PIEZO2: variants seen among roughly 807,000 people sequenced by gnomAD.
The protein encoded by PIEZO2 is piezo-type mechanosensitive ion channel component 2.
PIEZO2 carries 172 observed loss-of-function variants against 337.3 expected under a neutral mutation model. The observed-to-expected ratio is 0.51, with a 90% confidence interval of 0.45 to 0.58. The LOEUF (loss-of-function observed/expected upper bound fraction) is 0.58, where lower values mean the gene tolerates loss of function less well. PIEZO2 is among the 20% of genes least tolerant of loss of function. The pLI is 0.00. For missense variants in PIEZO2, 3,028 were observed against 3,391.3 expected, an observed-to-expected ratio of 0.89 and a Z score of 2.66; for synonymous variants, 1,251 against 1,228.5, an observed-to-expected ratio of 1.02 and a Z score of -0.38.
intron 3 of PIEZO2, among the ~76,000 whole-genome samples, chr18:10,935,117 T>C (rs1224248410): frequency 1.3e-5 from 2 of 152,188 alleles, no homozygotes; most frequent in African/African-American, 4.8e-5. Flanking sequence ...TTAAACTATA[T>C]AGATAGCTGT....
chr18:11,015,784 C>A (rs1411922319), intron 2 of PIEZO2, among the ~76,000 whole-genome samples: 1 of 152,164 alleles, frequency 6.6e-6, no homozygotes, highest in Admixed American at 6.5e-5. Flanking sequence ...CTATGGTAGA[C>A]TCGAATTTCT....
chr18:10,969,158 T>C lies in PIEZO2; in HGVS notation c.286+10377A>G, dbSNP rs1045863904. Among the ~76,000 whole-genome samples the C allele has an allele frequency of 2.0e-5, 3 of 152,212 alleles. No homozygotes were observed. The highest frequency in any genetic ancestry group is 7.2e-5 in the African/African-American group (3 of 41,450). ...TCCATATTCCATAAATTTGGAAACA[T>C]ACAGTTATAGCTTTACATTGTTCGT... On this transcript the variant is annotated intron_variant, in intron 3 of 55. Transcript: ENST00000674853. The surrounding 1 kb of genome is among the most constrained non-coding windows in gnomAD (Gnocchi z 4.5).
chr18:10,808,629 G>T (rs186701104), intron 7 of PIEZO2, among the ~76,000 whole-genome samples: 1 of 152,054 alleles, frequency 6.6e-6, no homozygotes, highest in Non-Finnish European at 1.5e-5. Context: ...GTCATAACTT[G>T]TTCTTATTAT....
intron 20 of PIEZO2, among the ~76,000 whole-genome samples, chr18:10,772,482 A>G (rs1250074004): frequency 2.0e-5 from 3 of 152,192 alleles, no homozygotes; most frequent in Non-Finnish European, 4.4e-5. Context: ...GGAATTCACA[A>G]TGCTCAGATA....
intron 36 of PIEZO2, among the ~76,000 whole-genome samples, chr18:10,730,557 T>TA (rs2036722613): frequency 6.6e-6 from 1 of 152,108 alleles, no homozygotes; most frequent in Admixed American, 6.5e-5. Flanking sequence ...TTGATTTTTT[T>TA]ATTATAGTTT....
chr18:10,874,539 A>G (rs115601154), intron 4 of PIEZO2, among the ~76,000 whole-genome samples: 2,002 of 152,304 alleles, frequency 0.013, 47 homozygotes, highest in African/African-American at 0.045. Flanking sequence ...ACTATTCACA[A>G]TAGTCAAGAT....
At chr18:10,972,566 C>T (rs1414399383) in intron 3 of PIEZO2, among the ~76,000 whole-genome samples, 1 of 152,160 alleles carries the variant, frequency 6.6e-6, no homozygotes, top group Non-Finnish European at 1.5e-5. Flanking sequence ...TGCTGCCTTC[C>T]ATCCAGTGCC....
chr18:10,970,470 C>T, intron 3 of PIEZO2, among the ~76,000 whole-genome samples: 1 of 152,170 alleles, frequency 6.6e-6, no homozygotes, highest in Admixed American at 6.5e-5. Context: ...ACATTTCTTC[C>T]TTTTTTTCAC....
chr18:11,054,784 C>T (rs1028019347), intron 2 of PIEZO2, among the ~76,000 whole-genome samples: 7 of 152,136 alleles, frequency 4.6e-5, no homozygotes, highest in African/African-American at 1.2e-4. Context: ...GAGTTGGATA[C>T]GGTTGAGAGA....
Position 10,870,759 on chromosome 18 carries a change from G to C in PIEZO2, c.492+494C>G, listed in dbSNP as rs1158844916. Among the ~76,000 whole-genome samples, 1 of 151,970 alleles carries C rather than the reference G, an allele frequency of 6.6e-6. No homozygotes were observed. The highest frequency in any genetic ancestry group is 2.4e-5 in the African/African-American group (1 of 41,326). ...CAAATATGTATGTTTTTCCCCCTTGGAGTGCTTTAAAACAACTTGATCAAA... is the reference window on the plus strand; with the variant it reads ...CAAATATGTATGTTTTTCCCCCTTGCAGTGCTTTAAAACAACTTGATCAAA... On this transcript the variant is annotated intron_variant, in intron 5 of 55. Coordinates refer to ENST00000674853, the MANE Select transcript of PIEZO2 (RefSeq NM_001378183.1). This position sits in a 1 kb window ranked among gnomAD's most constrained non-coding sequence, Gnocchi z 5.3.
At position 10,731,419 on chromosome 18, in the gene PIEZO2, C is replaced by T; in HGVS notation, c.5017G>A (p.Gly1673Arg). ...ACCCACCACTCACCCTCCTTGGATC[C>T]TTTCCGCCTTCGTTTCCGTTCTTCT... ...AREERKRRRK[G>R]SKEGPVEWED... Residue 1673 changes from glycine to arginine, a missense_variant, in exon 36 of 56, where the codon GGA (glycine) becomes AGA (arginine). Gly to Arg is a moderately radical substitution (Grantham distance 125). This residue lies in a region of PIEZO2 where 1,925 missense variants were observed against 2,051.9 expected (regional missense o/e 0.94). Transcript: ENST00000674853. 2 of 1,534,678 alleles carry T rather than the reference C, an allele frequency of 1.3e-6. No homozygotes were observed. The highest frequency in any genetic ancestry group is 1.7e-6 in the Non-Finnish European group (2 of 1,145,678).
rs1222511673 is a variant in PIEZO2 at position 11,031,776 on chromosome 18, G to A, written c.160+34351C>T. 1.3e-5 allele frequency among the ~76,000 whole-genome samples: 2 copies of A among 152,128 alleles called. No homozygotes were observed. Among genetic ancestry groups the A allele is most frequent in the African/African-American group, 4.8e-5 (2 of 41,418 alleles). ...CCATGGTCCCTGGGGCAAAAGTTGA[G>A]AACTGGGACATTAAGGTATGGGGCA... On this transcript the variant is annotated intron_variant, in intron 2 of 55. Transcript: ENST00000674853. This position sits in a 1 kb window ranked among gnomAD's most constrained non-coding sequence, Gnocchi z 4.7.
At position 10,827,470 on chromosome 18, in the gene PIEZO2, C is replaced by A. The variant is rs540423733; in HGVS notation, c.918-20196G>T. The stretch of plus-strand genomic sequence containing the variant: ...TAATGTTTAATAATCAAAATCAACC[C>A]AATTTTCTTGCTTAGACCAACATTT... On this transcript the variant is annotated intron_variant, in intron 7 of 55. Coordinates refer to ENST00000674853, the MANE Select transcript of PIEZO2 (RefSeq NM_001378183.1). 1.7e-4 allele frequency among the ~76,000 whole-genome samples: 26 copies of A among 152,166 alleles called. 1 individual carries two copies. The South Asian group carries it at 5.4e-3, about 32-fold the overall frequency.
At position 11,016,946 on chromosome 18, in the gene PIEZO2, G is replaced by A. The variant is rs192930354; in HGVS notation, c.161-37286C>T. 6.6e-6 allele frequency among the ~76,000 whole-genome samples: 1 copy of A among 152,284 alleles called. No individual in the cohort carries two copies. Among genetic ancestry groups the A allele is most frequent in the East Asian group, 1.9e-4 (1 of 5,182 alleles). ...ATGGAGTTGGGAGAGACACTGACAA[G>A]CTGAGGGAAGTTCAGAGGAGAGCAC... On this transcript the variant is annotated intron_variant, in intron 2 of 55. Transcript: ENST00000674853. This position sits in a 1 kb window ranked among gnomAD's most constrained non-coding sequence, Gnocchi z 5.6.
intron 37 of PIEZO2, among the ~76,000 whole-genome samples, chr18:10,717,447 C>T (rs910903499): frequency 1.3e-5 from 2 of 152,214 alleles, no homozygotes; most frequent in African/African-American, 2.4e-5. Context: ...GAGCCTGACG[C>T]CTGGCCTGCT....
rs77398621 is a variant in PIEZO2 at position 10,865,641 on chromosome 18, C to T, written c.492+5612G>A. On this transcript the variant is annotated intron_variant, in intron 5 of 55. Coordinates refer to ENST00000674853, the MANE Select transcript of PIEZO2 (RefSeq NM_001378183.1). ...AGGTAGGGGAAGGAGCTGTGTCTCC[C>T]GCTCCCAAACATATGACCAATATTT... 5.7e-3 allele frequency among the ~76,000 whole-genome samples: 873 copies of T among 152,166 alleles called. 9 individuals carry two copies. Among genetic ancestry groups the T allele is most frequent in the African/African-American group, 0.019 (802 of 41,516 alleles).
rs1295831005 is a variant in PIEZO2, at chr18:10,720,415, GTATGTATATATATATATATATATATA to G, written c.5030-2182_5030-2157del. ...TGTGTGTGTGTGTGTATGTGTATGTGTATGTATATATATATATATATATATATATATATATATATATATATATATAT... is the reference window on the plus strand; with the variant it reads ...TGTGTGTGTGTGTGTATGTGTATGTGTATATATATATATATATATATATAT... On this transcript the variant is annotated intron_variant, in intron 36 of 55. Coordinates refer to ENST00000674853, the MANE Select transcript of PIEZO2 (RefSeq NM_001378183.1). Among the ~76,000 whole-genome samples, 268 of 39,914 alleles carry G rather than the reference GTATGTATATATATATATATATATATA, an allele frequency of 6.7e-3. 19 individuals carry two copies. Among genetic ancestry groups the G allele is most frequent in the Middle Eastern group, 0.011 (1 of 88 alleles). 26.2% of individuals were successfully genotyped at this position (39,914 alleles called of 152,430 possible).
In PIEZO2 at chr18:10,993,713, G is replaced by C. The variant is rs1211234264; in HGVS notation, c.161-14053C>G. Among the ~76,000 whole-genome samples the C allele has an allele frequency of 6.6e-6, 1 of 152,124 alleles. No homozygotes were observed. The highest frequency in any genetic ancestry group is 1.5e-5 in the Non-Finnish European group (1 of 68,020). On this transcript the variant is annotated intron_variant, in intron 2 of 55. Coordinates refer to ENST00000674853, the MANE Select transcript of PIEZO2 (RefSeq NM_001378183.1). The surrounding 1 kb of genome is among the most constrained non-coding windows in gnomAD (Gnocchi z 5.0). The stretch of plus-strand genomic sequence containing the variant: ...GGCTAATTTTTCTGTATTTTTAGTA[G>C]AGACGGTGTTTCACCATGTTAGCCA...
Position 11,070,291 on chromosome 18 carries a change from C to T in PIEZO2, c.65-4069G>A, listed in dbSNP as rs1218866768. Among the ~76,000 whole-genome samples the T allele has an allele frequency of 6.6e-6, 1 of 152,156 alleles. No homozygotes were observed. Among genetic ancestry groups the T allele is most frequent in the Non-Finnish European group, 1.5e-5 (1 of 68,028 alleles). On this transcript the variant is annotated intron_variant, in intron 1 of 55. Transcript: ENST00000674853. The surrounding 1 kb of genome is among the most constrained non-coding windows in gnomAD (Gnocchi z 4.3). ...CAGAAAAAGTACAGTAAAAATACGG[C>T]ACTATAATCTTAGGGGACCAACCCC... is the stretch of plus-strand genomic sequence containing the variant.
Sources: allele counts gnomAD v4.1 joint callset (sites outside exome capture counted in the v4.1 genomes callset), GRCh38; gene constraint gnomAD v4.1.1; regional missense constraint gnomAD v4.1.1; non-coding constraint Gnocchi (gnomAD v3.1); transcripts MANE v1.5; gene names NCBI Gene and HGNC (gene_info 2026-07-23, HGNC 2026-07-21).